Variants in ESRRB observed in about 807,000 individuals in gnomAD.
ESRRB encodes steroid hormone receptor ERR2.
In ESRRB, 16 loss-of-function variants were observed where a neutral mutation model predicts 46.0. The observed-to-expected ratio is 0.35, with a 90% CI of 0.24 to 0.53. The LOEUF (loss-of-function observed/expected upper bound fraction) is 0.53. ESRRB is among the 20% of genes least tolerant of loss of function. The probability of loss-of-function intolerance (pLI) is 0.93; values close to 1 mark genes in which losing one functional copy is unlikely to be tolerated. For synonymous variants in ESRRB, 246 were observed against 259.6 expected (o/e 0.95, Z 0.50); for missense variants, 488 against 607.4 (o/e 0.80, Z 2.07).
intron 1 of ESRRB, among the ~76,000 whole-genome samples, chr14:76,360,407 G>A (rs1249115260): frequency 6.6e-6 from 1 of 150,674 alleles, no homozygotes; most frequent in African/African-American, 2.5e-5. Flanking sequence ...GAGGGAGAGG[G>A]AGAGAGAGAG....
intron 2 of ESRRB, among the ~76,000 whole-genome samples, chr14:76,447,107 C>T (rs980922310): frequency 6.6e-6 from 1 of 152,174 alleles, no homozygotes; most frequent in Non-Finnish European, 1.5e-5. Context: ...TTGCAACTCA[C>T]TCACTGCTGG....
chr14:76,323,474 T>C (rs1482156636), intron 1 of ESRRB, among the ~76,000 whole-genome samples: 1 of 152,088 alleles, frequency 6.6e-6, no homozygotes, highest in African/African-American at 2.4e-5. Context: ...TATGCCTGGC[T>C]AATTTTTTTA....
chr14:76,385,770 C>T (rs1428793818), intron 1 of ESRRB, among the ~76,000 whole-genome samples: 1 of 152,196 alleles, frequency 6.6e-6, no homozygotes, highest in African/African-American at 2.4e-5. Context: ...TATGAATAAG[C>T]CCATTTGTTG....
intron 6 of ESRRB, among the ~76,000 whole-genome samples, chr14:76,494,000 C>T (rs1890327096): frequency 6.6e-6 from 1 of 152,198 alleles, no homozygotes; most frequent in Non-Finnish European, 1.5e-5. Context: ...CTTTGCCTTG[C>T]TTTCTCCTTC....
At chr14:76,313,660 C>T (rs1213774522) in intron 1 of ESRRB, among the ~76,000 whole-genome samples, 1 of 152,204 alleles carries the variant, frequency 6.6e-6, no homozygotes, top group African/African-American at 2.4e-5. Flanking sequence ...CCAAATACCC[C>T]ATCAATTAAA....
intron 1 of ESRRB, among the ~76,000 whole-genome samples, chr14:76,435,015 T>A (rs2139922225): frequency 6.6e-6 from 1 of 152,336 alleles, no homozygotes; most frequent in Non-Finnish European, 1.5e-5. Context: ...GGCTCTGAGC[T>A]CCAGCCTTTT....
intron 1 of ESRRB, among the ~76,000 whole-genome samples, chr14:76,384,117 G>A (rs1362970378): frequency 6.6e-6 from 1 of 152,068 alleles, no homozygotes; most frequent in Non-Finnish European, 1.5e-5. Flanking sequence ...CCTTTTGATG[G>A]TGAAACAGGA....
rs1890586244 is a variant in ESRRB at position 76,499,705 on chromosome 14, G to C, written c.*1247G>C. 3 of 722,268 alleles carry C rather than the reference G, an allele frequency of 4.2e-6. No homozygotes were observed. In the Admixed American group the frequency reaches 6.0e-5, roughly 14 times the overall value. 44.7% of individuals were successfully genotyped at this position (722,268 alleles called of 1,614,324 possible). Reference sequence around the variant, plus strand: ...CCTGCAGTCCCCCTGGCTGTGCCAGGTAACCAACCGTCTTGGTTTGTCCAG... The same window carrying C: ...CCTGCAGTCCCCCTGGCTGTGCCAGCTAACCAACCGTCTTGGTTTGTCCAG... On this transcript the variant is annotated 3_prime_UTR_variant, in exon 7 of 7. Transcript: ENST00000644823.
At chr14:76,394,466 C>T (rs1345186121) in intron 1 of ESRRB, among the ~76,000 whole-genome samples, 1 of 152,150 alleles carries the variant, frequency 6.6e-6, no homozygotes, top group Non-Finnish European at 1.5e-5. Context: ...ACCTGGTATC[C>T]CTTGAGCACC....
chr14:76,347,243 A>G (rs1336061689), intron 1 of ESRRB, among the ~76,000 whole-genome samples: 1 of 152,112 alleles, frequency 6.6e-6, no homozygotes, highest in African/African-American at 2.4e-5. Context: ...GCCTATGCCT[A>G]TGTATGTGGG....
chr14:76,439,853 G>C, intron 2 of ESRRB, 103 bp downstream of exon 2: 1 of 1,305,424 alleles, frequency 7.7e-7, no homozygotes. Context: ...TGCCAATTCT[G>C]GGCGCTGTTG....
At chr14:76,409,869 C>T (rs978174363) in intron 1 of ESRRB, among the ~76,000 whole-genome samples, 4 of 152,056 alleles carry the variant, frequency 2.6e-5, no homozygotes, top group Admixed American at 6.5e-5. Flanking sequence ...ACCGTACATG[C>T]GATTGCCAAG....
At chr14:76,453,069 G>C (rs1056098541) in intron 2 of ESRRB, among the ~76,000 whole-genome samples, 2 of 152,206 alleles carry the variant, frequency 1.3e-5, no homozygotes, top group Admixed American at 1.3e-4. Context: ...ATCTGAGACT[G>C]GGGGGCAAGG....
upstream of ESRRB, among the ~76,000 whole-genome samples, chr14:76,368,620 G>A (rs1403590219): frequency 6.6e-6 from 1 of 152,136 alleles, no homozygotes; most frequent in Non-Finnish European, 1.5e-5. Flanking sequence ...TGATTCCTCT[G>A]TAGTTTCCCT....
At chr14:76,466,916 G>A (rs1189391306) in intron 3 of ESRRB, among the ~76,000 whole-genome samples, 1 of 151,834 alleles carries the variant, frequency 6.6e-6, no homozygotes, top group Admixed American at 6.6e-5. Flanking sequence ...TAGAGATGGG[G>A]TTTCACCATG....
intron 1 of ESRRB, among the ~76,000 whole-genome samples, chr14:76,420,098 G>C (rs1434114461): frequency 6.6e-6 from 1 of 152,118 alleles, no homozygotes; most frequent in Non-Finnish European, 1.5e-5. Flanking sequence ...TTTTTCTCTA[G>C]GTAATTTCAT....
At chr14:76,378,127 A>G (rs1884856054) in intron 1 of ESRRB, among the ~76,000 whole-genome samples, 1 of 152,202 alleles carries the variant, frequency 6.6e-6, no homozygotes, top group South Asian at 2.1e-4. Flanking sequence ...CAAATATTGG[A>G]TATTTAAATT....
intron 1 of ESRRB, among the ~76,000 whole-genome samples, chr14:76,400,136 C>A (rs1218443553): frequency 6.6e-6 from 1 of 152,196 alleles, no homozygotes; most frequent in African/African-American, 2.4e-5. Flanking sequence ...ATACACACCC[C>A]CTCCTGCTCC....
At chr14:76,407,713 C>G (rs1314204389) in intron 1 of ESRRB, 2 of 470,596 alleles carry the variant, frequency 4.2e-6, no homozygotes, top group African/African-American at 4.2e-5. Flanking sequence ...GTCTGGGTGC[C>G]TCTAGGAGGG....
Sources: allele counts gnomAD v4.1 joint callset (sites outside exome capture counted in the v4.1 genomes callset), GRCh38; gene constraint gnomAD v4.1.1; transcripts MANE v1.5; gene names NCBI Gene and HGNC (gene_info 2026-07-23, HGNC 2026-07-21).